LARP1: variants seen among roughly 807,000 people sequenced by gnomAD.
The protein encoded by LARP1 is La ribonucleoprotein 1, translational regulator.
LARP1 carries 36 observed loss-of-function variants against 122.7 expected under a neutral mutation model. That is an observed-to-expected ratio of 0.29 (90% CI 0.22 to 0.39). LARP1 has a LOEUF of 0.39. Among genes scored for constraint, LARP1 ranks in the 10% least tolerant of loss-of-function variants. The probability of loss-of-function intolerance (pLI) is 1.00; values close to 1 mark genes in which losing one functional copy is unlikely to be tolerated. For synonymous variants in LARP1, 539 were observed against 528.7 expected (o/e 1.02, Z -0.27); for missense variants, 1,040 against 1,403.6 (o/e 0.74, Z 4.14).
rs371021275 is a variant in LARP1, at chr5:154,793,866, C to T, written c.935C>T (p.Pro312Leu). Residue 312 changes from proline (P) to leucine (L), a missense_variant, in exon 6 of 19, where the codon CCG becomes CTG. By Grantham distance (98) the Pro-to-Leu change is moderately conservative (BLOSUM62 -3). Coordinates refer to ENST00000518297, the MANE Select transcript of LARP1 (RefSeq NM_033551.3). ...PTPAWQPEIK[P>L]EPAWHDQDET... ...CCAGCCTGGCAACCAGAGATCAAACCGGAGCCTGCCTGGCACGACCAGGAT... is the reference window on the plus strand; with the variant it reads ...CCAGCCTGGCAACCAGAGATCAAACTGGAGCCTGCCTGGCACGACCAGGAT... The T allele has an allele frequency of 1.3e-5, 21 of 1,614,072 alleles. No homozygotes were observed. The highest frequency in any genetic ancestry group is 1.6e-4 in the Middle Eastern group (1 of 6,084).
At chr5:154,708,063 G>A (rs1289168062), upstream of LARP1, among the ~76,000 whole-genome samples, 1 of 152,174 alleles carries the variant, frequency 6.6e-6, no homozygotes, top group African/African-American at 2.4e-5. Context: ...ATGGGTCGCG[G>A]ATCCATTCCT....
At chr5:154,774,544 C>CA (rs1443396334) in intron 1 of LARP1, among the ~76,000 whole-genome samples, 2 of 152,228 alleles carry the variant, frequency 1.3e-5, no homozygotes. Context: ...TCTTATTACT[C>CA]AAACCCTTGG....
chr5:154,690,011 A>G (rs1754118755), intron 1 of LARP1, among the ~76,000 whole-genome samples: 1 of 152,196 alleles, frequency 6.6e-6, no homozygotes, highest in African/African-American at 2.4e-5. Context: ...GTTGCACTCC[A>G]GGCTGGGTGA....
chr5:154,756,826 C>T (rs1019203084), intron 1 of LARP1, among the ~76,000 whole-genome samples: 6 of 152,068 alleles, frequency 3.9e-5, no homozygotes, highest in Non-Finnish European at 7.4e-5. Context: ...GGTGGTTTCC[C>T]TCCCCGATCC....
At chr5:154,730,724 G>A (rs1156497679) in intron 1 of LARP1, among the ~76,000 whole-genome samples, 2 of 150,418 alleles carry the variant, frequency 1.3e-5, no homozygotes, top group Non-Finnish European at 3.0e-5. Context: ...TGCCTGCCTC[G>A]GCCTCCCAAA....
intron 1 of LARP1, among the ~76,000 whole-genome samples, chr5:154,743,278 T>C (rs1050580689): frequency 3.9e-5 from 6 of 151,920 alleles, no homozygotes; most frequent in Admixed American, 2.0e-4. Flanking sequence ...CTTTTATTAT[T>C]AACCGCAAGG....
intron 1 of LARP1, chr5:154,729,609 A>G: frequency 2.4e-6 from 1 of 421,874 alleles, no homozygotes; most frequent in South Asian, 1.8e-5. Flanking sequence ...ATGAAGCACC[A>G]GCCACTCCAC....
rs556173076 is a variant in LARP1, at chr5:154,687,424, T to C, written c.-180+4387T>C. ...TGAGACGGAGTCTCACTCTGTCACC[T>C]AGGCCGGAGTGCAGTGGCGTGATCT... On this transcript the variant is annotated intron_variant, in intron 1 of 18. Transcript: ENST00000687700. 3.3e-5 allele frequency among the ~76,000 whole-genome samples: 5 copies of C among 152,324 alleles called. No individual in the cohort carries two copies. The East Asian group carries it at 5.8e-4, about 18-fold the overall frequency.
intron 14 of LARP1, among the ~76,000 whole-genome samples, chr5:154,804,579 C>T (rs1758603732): frequency 6.6e-6 from 1 of 152,192 alleles, no homozygotes; most frequent in Non-Finnish European, 1.5e-5. Flanking sequence ...GCCTGGCTAT[C>T]TACTTTCTGT....
Position 154,755,602 on chromosome 5 carries a change from G to A in LARP1, c.-156G>A. 8.1e-6 allele frequency: 8 copies of A among 987,646 alleles called. No individual in the cohort carries two copies. Among genetic ancestry groups the A allele is most frequent in the Non-Finnish European group, 9.6e-6 (8 of 830,232 alleles). The allele number at this position is 987,646 out of a possible 1,614,324, so 61.2% of individuals were successfully genotyped here. On this transcript the variant is annotated 5_prime_UTR_variant, in exon 1 of 19. Coordinates refer to ENST00000518297, the MANE Select transcript of LARP1 (RefSeq NM_033551.3). ...ATTTACGGCGGCTGCATCTAACTGG[G>A]AGGGGGCCGCACCTCGCGTGAACCC...
intron 1 of LARP1, among the ~76,000 whole-genome samples, chr5:154,765,897 G>A (rs1754906677): frequency 6.6e-6 from 1 of 152,218 alleles, no homozygotes; most frequent in Non-Finnish European, 1.5e-5. Context: ...AGGGGATACT[G>A]CAGTGCATAA....
At chr5:154,791,307 A>T (rs1002964851) in intron 3 of LARP1, among the ~76,000 whole-genome samples, 2 of 150,684 alleles carry the variant, frequency 1.3e-5, no homozygotes, top group Admixed American at 6.6e-5. Context: ...TCCACCTCCC[A>T]GGTTCAAGTG....
At chr5:154,751,983 T>TA (rs1034007006), upstream of LARP1, among the ~76,000 whole-genome samples, 6 of 151,780 alleles carry the variant, frequency 4.0e-5, no homozygotes, top group African/African-American at 7.3e-5. Flanking sequence ...TATTAAAACT[T>TA]AAAAAAAATA....
intron 1 of LARP1, among the ~76,000 whole-genome samples, chr5:154,781,098 T>C (rs1329596395): frequency 6.6e-6 from 1 of 151,970 alleles, no homozygotes; most frequent in Non-Finnish European, 1.5e-5. Context: ...TTGTGTTACC[T>C]GAGGTGGTGG....
Position 154,694,900 on chromosome 5 carries a change from T to C in LARP1, c.-180+11863T>C, listed in dbSNP as rs373348540. Among the ~76,000 whole-genome samples, 340 of 152,270 alleles carry C rather than the reference T, an allele frequency of 2.2e-3. 4 individuals are homozygous for C. The highest frequency in any genetic ancestry group is 7.8e-3 in the African/African-American group (323 of 41,562). On this transcript the variant is annotated intron_variant, in intron 1 of 18. Coordinates refer to the LARP1 transcript ENST00000687700. ...AAAATTTTCTTTCCCTTTTTTTTGT[T>C]ATTGTTGTTGAGACAGGGTTTCAAC...
chr5:154,786,248 C>T (rs572195544), intron 1 of LARP1, among the ~76,000 whole-genome samples: 5 of 152,112 alleles, frequency 3.3e-5, no homozygotes, highest in African/African-American at 1.2e-4. Flanking sequence ...ACCATGTTGG[C>T]CAGGCTGGTC....
chr5:154,801,894 T>C, intron 10 of LARP1, 113 bp from the exon 11 acceptor site: 11 of 968,696 alleles, frequency 1.1e-5, no homozygotes, highest in South Asian at 1.7e-5. Context: ...ACCAGGGTCA[T>C]AGTTGAACAG....
At position 154,742,505 on chromosome 5, in the gene LARP1, GC is replaced by G. The variant is rs1752950228; in HGVS notation, c.205+29377del. Among the ~76,000 whole-genome samples the G allele has an allele frequency of 3.9e-5, 6 of 152,242 alleles. No homozygotes were observed. The South Asian group carries it at 1.2e-3, about 32-fold the overall frequency. On this transcript the variant is annotated intron_variant, in intron 1 of 18. Coordinates refer to the LARP1 transcript ENST00000336314. ...ACCTGGGAGGCGGAGGTTGCAGTGA[GC>G]CATGATCATGCCACTGCACTGTTGT... is the stretch of plus-strand genomic sequence containing the variant.
chr5:154,804,350 G>T (rs775758754), intron 14 of LARP1, 43 bp downstream of exon 14: 2 of 1,421,750 alleles, frequency 1.4e-6, no homozygotes, highest in Non-Finnish European at 2.0e-6. Context: ...CTGCCTATGG[G>T]ATGGGTGGGC....
Sources: gnomAD v4.1 joint callset for allele counts (sites outside exome capture counted in the v4.1 genomes callset) on GRCh38, gnomAD v4.1.1 for gene constraint, MANE v1.5 for transcripts, NCBI Gene and HGNC (gene_info 2026-07-23, HGNC 2026-07-21) for gene names.